Variants in DDX46 observed in about 807,000 individuals in gnomAD.
DDX46 encodes the protein DEAD-box helicase 46, also known as probable ATP-dependent RNA helicase DDX46.
A neutral mutation model predicts 134.9 loss-of-function variants in DDX46; 30 were observed. That is an observed-to-expected ratio of 0.22 (90% confidence interval 0.17 to 0.30). DDX46 has a LOEUF of 0.30. DDX46 is among the 10% of genes least tolerant of loss of function. DDX46 has a pLI of 1.00. For synonymous variants in DDX46, 415 were observed against 404.1 expected, an observed-to-expected ratio of 1.03 and a Z score of -0.32; for missense variants, 622 against 1,248.7, an observed-to-expected ratio of 0.50 and a Z score of 7.56.
chr5:134,791,337 G>A (rs1754496733), intron 13 of DDX46, among the ~76,000 whole-genome samples: 2 of 152,100 alleles, frequency 1.3e-5, no homozygotes, highest in Admixed American at 1.3e-4. Flanking sequence ...TTTAAAGGTG[G>A]TAGATGAGGT....
At chr5:134,787,591 T>C (rs1341108303) in intron 11 of DDX46, among the ~76,000 whole-genome samples, 2 of 152,238 alleles carry the variant, frequency 1.3e-5, no homozygotes, top group Admixed American at 1.3e-4. Context: ...GACTGTAGTT[T>C]GTAGAAATAC....
rs373833051 is a variant in DDX46 at position 134,762,222 on chromosome 5, G to A, written c.18-1682G>A. ...GGCCGGGAGGTTAAGACAATCCTGA[G>A]CAACATAGTGAGACACCATCTCTAC... On this transcript the variant is annotated intron_variant, in intron 1 of 22. Transcript: ENST00000452510. Among the ~76,000 whole-genome samples, 4 of 144,410 alleles carry A rather than the reference G, an allele frequency of 2.8e-5. No individual in the cohort carries two copies. The East Asian group carries it at 8.2e-4, about 30-fold the overall frequency. The allele number at this position is 144,410 out of a possible 152,430, so 94.7% of individuals were successfully genotyped here. A position where few individuals can be genotyped will look rare whatever the true frequency, so the allele number is the denominator to read the frequency against.
chr5:134,819,877 C>T (rs2150160396), intron 21 of DDX46, among the ~76,000 whole-genome samples: 1 of 152,050 alleles, frequency 6.6e-6, no homozygotes, highest in South Asian at 2.1e-4. Context: ...CATAGTAGGA[C>T]ACCCTGTCAC....
intron 1 of DDX46, among the ~76,000 whole-genome samples, 179 bp downstream of exon 1, chr5:134,759,134 A>G (rs1258471864): frequency 6.6e-6 from 1 of 152,166 alleles, no homozygotes; most frequent in African/African-American, 2.4e-5. Context: ...TGTTTGGGCC[A>G]GCGACGGCTT....
At chr5:134,806,165 A>C (rs1754981196) in intron 15 of DDX46, among the ~76,000 whole-genome samples, 1 of 151,980 alleles carries the variant, frequency 6.6e-6, no homozygotes, top group African/African-American at 2.4e-5. Flanking sequence ...GTGAGTCCAG[A>C]TCACGCTATT....
At chr5:134,764,145 C>A in intron 2 of DDX46, 53 bp downstream of exon 2, 1 of 1,515,652 alleles carries the variant, frequency 6.6e-7, no homozygotes. Context: ...GCCTTCTCGG[C>A]TATAGCAGGC....
At chr5:134,808,019 A>G in intron 16 of DDX46, 78 bp downstream of exon 16, 2 of 1,303,648 alleles carry the variant, frequency 1.5e-6, no homozygotes, top group Middle Eastern at 2.7e-4. Context: ...GGAGTAGATA[A>G]TAGGAGTTAT....
At chr5:134,777,075 T>G (rs1753964252) in intron 5 of DDX46, among the ~76,000 whole-genome samples, 2 of 152,154 alleles carry the variant, frequency 1.3e-5, no homozygotes, top group South Asian at 4.1e-4. Flanking sequence ...AGTGGCATGG[T>G]GGCGGGCACC....
intron 13 of DDX46, among the ~76,000 whole-genome samples, chr5:134,793,167 A>G (rs1346659366): frequency 6.6e-6 from 1 of 152,128 alleles, no homozygotes; most frequent in African/African-American, 2.4e-5. Context: ...AAGAAAAAAG[A>G]GGAAAATTTC....
At chr5:134,788,414 G>A (rs1027603398) in intron 11 of DDX46, 99 bp from the exon 12 acceptor site, 7 of 917,710 alleles carry the variant, frequency 7.6e-6, no homozygotes, top group Non-Finnish European at 1.0e-5. Flanking sequence ...AGGAAGCTTG[G>A]AAGTCTTCTA....
In DDX46 at chr5:134,818,865, T is replaced by C. The variant is rs1258040397; in HGVS notation, c.2838T>C (p.Ala946=). ...TTCCTTACCTTTTCTTTTAGACTGCTAGGTGGAAAGTTACCTCTAAGGAAG... is the reference window on the plus strand; with the variant it reads ...TTCCTTACCTTTTCTTTTAGACTGCCAGGTGGAAAGTTACCTCTAAGGAAG... ...ELEINDFPQT[A]RWKVTSKEAL... Residue 946 remains alanine, a synonymous_variant, in exon 21 of 23, where the codon GCT becomes GCC. Coordinates refer to ENST00000452510, the MANE Select transcript of DDX46 (RefSeq NM_001300860.2). 6.2e-7 allele frequency: 1 copy of C among 1,611,116 alleles called. No homozygotes were observed.
At chr5:134,776,948 C>T (rs1490285080) in intron 5 of DDX46, among the ~76,000 whole-genome samples, 1 of 147,022 alleles carries the variant, frequency 6.8e-6, no homozygotes, top group Non-Finnish European at 1.5e-5. Context: ...CGTGGTGGCT[C>T]ACGCCTGTAA....
At chr5:134,824,761 C>T (rs1171707843) in intron 21 of DDX46, among the ~76,000 whole-genome samples, 1 of 152,132 alleles carries the variant, frequency 6.6e-6, no homozygotes, top group Non-Finnish European at 1.5e-5. Flanking sequence ...GGTGTTGCTA[C>T]TGTGGAATGA....
intron 18 of DDX46, among the ~76,000 whole-genome samples, chr5:134,814,123 A>G (rs901682515): frequency 6.6e-6 from 1 of 152,162 alleles, no homozygotes; most frequent in Non-Finnish European, 1.5e-5. Flanking sequence ...CATTCATATA[A>G]CTTTTATTAC....
At chr5:134,787,919 G>T (rs1458232471) in intron 11 of DDX46, among the ~76,000 whole-genome samples, 2 of 151,064 alleles carry the variant, frequency 1.3e-5, no homozygotes, top group Admixed American at 1.3e-4. Flanking sequence ...GGGGGGAGGG[G>T]CTGAGATGGG....
chr5:134,802,441 C>T lies in DDX46; in HGVS notation c.1955-5307C>T, dbSNP rs1989635. Among the ~76,000 whole-genome samples, 640 of 151,358 alleles carry T rather than the reference C, an allele frequency of 4.2e-3. 2 individuals are homozygous for T. Among genetic ancestry groups the T allele is most frequent in the Middle Eastern group, 0.018 (5 of 284 alleles). ...CCTCCCAAAGTGCTGAGGTTACAGG[C>T]GTGAGCCACCGTGTTTGGCCCTGAT... On this transcript the variant is annotated intron_variant, in intron 15 of 22. Coordinates refer to ENST00000452510, the MANE Select transcript of DDX46 (RefSeq NM_001300860.2).
chr5:134,792,817 G>A (rs1223539041), intron 13 of DDX46, among the ~76,000 whole-genome samples: 6 of 152,304 alleles, frequency 3.9e-5, no homozygotes, highest in South Asian at 2.1e-4. Context: ...ATGTGTATAA[G>A]TACATGAGAG....
chr5:134,824,178 C>A (rs1755528887), intron 21 of DDX46, among the ~76,000 whole-genome samples: 1 of 152,172 alleles, frequency 6.6e-6, no homozygotes, highest in South Asian at 2.1e-4. Flanking sequence ...TGGTTCTGGT[C>A]ATTTGTCTCC....
chr5:134,819,528 G>T (rs545941915), intron 21 of DDX46, among the ~76,000 whole-genome samples: 1 of 152,018 alleles, frequency 6.6e-6, no homozygotes, highest in Non-Finnish European at 1.5e-5. Context: ...CATTCCAGAG[G>T]CAATTTCCAT....
Sources: allele counts gnomAD v4.1 joint callset (sites outside exome capture counted in the v4.1 genomes callset), GRCh38; gene constraint gnomAD v4.1.1; transcripts MANE v1.5; gene names NCBI Gene and HGNC (gene_info 2026-07-23, HGNC 2026-07-21).